CELA3B: variants seen among roughly 807,000 people sequenced by gnomAD.
The protein encoded by CELA3B is chymotrypsin like elastase 3B.
Under a neutral mutation model 37.2 loss-of-function variants are expected in CELA3B, and 34 were observed. The observed-to-expected ratio is 0.91, with a 90% CI of 0.70 to 1.22. CELA3B has a LOEUF of 1.22. Among genes scored for constraint, CELA3B ranks in the 50% most tolerant of loss-of-function variants. The pLI is 0.00. For missense variants in CELA3B, 340 were observed against 363.1 expected, an observed-to-expected ratio of 0.94 and a Z score of 0.52; for synonymous variants, 127 against 143.5, an observed-to-expected ratio of 0.89 and a Z score of 0.82.
At chr1:21,995,214 C>T (rs1179029975) in intron 4 of CELA3B, among the ~76,000 whole-genome samples, 2 of 146,676 alleles carry the variant, frequency 1.4e-5, no homozygotes, top group African/African-American at 5.1e-5. Context: ...CATGACCTCA[C>T]TGCAACCTCT....
intron 2 of CELA3B, among the ~76,000 whole-genome samples, chr1:21,980,308 C>T (rs1037206100): frequency 1.1e-4 from 17 of 150,560 alleles, no homozygotes; most frequent in African/African-American, 3.2e-4. Context: ...GGTGAAACTC[C>T]GTGTCTACTA....
At chr1:21,991,280 C>T (rs2152817640), downstream of CELA3B, among the ~76,000 whole-genome samples, 1 of 139,406 alleles carries the variant, frequency 7.2e-6, no homozygotes, top group Non-Finnish European at 1.5e-5. Context: ...TCAAGCGATT[C>T]TCCTGCCTCA....
chr1:21,988,634 G>C (rs1448517290), intron 7 of CELA3B, among the ~76,000 whole-genome samples: 1 of 142,642 alleles, frequency 7.0e-6, no homozygotes, highest in African/African-American at 2.6e-5. Flanking sequence ...GCTCATGCCT[G>C]TAATCCCACC....
chr1:21,990,938 A>G (rs1330130219), downstream of CELA3B, among the ~76,000 whole-genome samples: 1 of 69,750 alleles, frequency 1.4e-5, no homozygotes, highest in Non-Finnish European at 3.5e-5. Context: ...CTTTCCTCAT[A>G]TTTCTCTTTG....
intron 3 of CELA3B, 43 bp downstream of exon 3, chr1:21,980,964 G>C: frequency 1.2e-6 from 2 of 1,614,126 alleles, no homozygotes; most frequent in Non-Finnish European, 1.7e-6. Flanking sequence ...CCGGGCAGCT[G>C]GGGAGGGTGG....
intron 4 of CELA3B, among the ~76,000 whole-genome samples, chr1:21,997,109 T>C (rs4521970): frequency 0.47 from 70,118 of 148,702 alleles, 18,951 homozygotes; most frequent in African/African-American, 0.68. Context: ...CCTGTAATCC[T>C]GGCATTTTGG....
Position 21,984,316 on chromosome 1 carries a change from C to G in CELA3B, c.627C>G (p.Ile209Met), listed in dbSNP as rs77941170. The change falls in exon 6 of 8, where the codon ATC becomes ATG. Residue 209 changes from isoleucine (I) to methionine (M), a missense_variant. By Grantham distance (10) the Ile-to-Met change is conservative (BLOSUM62 1). Transcript: ENST00000337107. ...KKTMVCAGGDIRSGCNGDSGG... is the reference protein window; with the variant it reads ...KKTMVCAGGDMRSGCNGDSGG... The stretch of plus-strand genomic sequence containing the variant: ...CCATGGTGTGTGCTGGAGGGGACAT[C>G]CGCTCCGGCTGCAATGTGAGTCAGC... The G allele has an allele frequency of 2.7e-3, 4,382 of 1,613,630 alleles. 18 individuals carry two copies. Among genetic ancestry groups the G allele is most frequent in the Non-Finnish European group, 3.1e-3 (3,602 of 1,179,804 alleles).
chr1:21,982,067 C>T (rs1490061390), intron 4 of CELA3B, among the ~76,000 whole-genome samples: 1 of 152,114 alleles, frequency 6.6e-6, no homozygotes, highest in Non-Finnish European at 1.5e-5. Flanking sequence ...ACTTTTTTCT[C>T]AGAGTTTTTT....
chr1:21,984,453 C>G (rs1644826343), intron 6 of CELA3B, 122 bp downstream of exon 6: 4 of 1,361,990 alleles, frequency 2.9e-6, no homozygotes, highest in African/African-American at 1.4e-5. Context: ...CCAGGCCAGG[C>G]AGGACTTGGA....
At chr1:21,978,312 C>G in intron 1 of CELA3B, 57 bp from the exon 2 acceptor site, 2 of 1,599,626 alleles carry the variant, frequency 1.3e-6, no homozygotes, top group Non-Finnish European at 1.7e-6. Flanking sequence ...GGACCCTGGC[C>G]TCCTCTTTGC....
At chr1:21,977,151 T>C (rs1213995128) in intron 1 of CELA3B, 69 bp downstream of exon 1, 64 of 1,603,550 alleles carry the variant, frequency 4.0e-5, no homozygotes, top group East Asian at 1.1e-4. Context: ...ATCTACCACT[T>C]GCTCTAAGTC....
At chr1:21,985,989 GCTT>G (rs1644836613) in intron 6 of CELA3B, among the ~76,000 whole-genome samples, 1 of 74,802 alleles carries the variant, frequency 1.3e-5, no homozygotes, top group African/African-American at 4.4e-5. Context: ...TTTACTGAGT[GCTT>G]CTTCTCTACT....
chr1:21,994,669 C>A lies in CELA3B; in HGVS notation c.505-3482C>A, dbSNP rs190694199. Among the ~76,000 whole-genome samples, 1,232 of 151,034 alleles carry A rather than the reference C, an allele frequency of 8.2e-3. 29 individuals carry two copies. Among genetic ancestry groups the A allele is most frequent in the Non-Finnish European group, 0.013 (855 of 67,834 alleles). On this transcript the variant is annotated intron_variant, in intron 4 of 4. Transcript: ENST00000400277. ...GGTGCATCTCTCTTCAGCTCCCCTG[C>A]CTCTCCACTTAAAGTGAAGTCCTGT...
intron 7 of CELA3B, among the ~76,000 whole-genome samples, chr1:21,988,741 T>G (rs1200731316): frequency 7.3e-5 from 11 of 151,114 alleles, no homozygotes; most frequent in African/African-American, 2.0e-4. Context: ...AATACAAAAA[T>G]TAGCCAGGCA....
intron 6 of CELA3B, among the ~76,000 whole-genome samples, chr1:21,986,174 A>G (rs10917098): frequency 0.89 from 134,021 of 150,232 alleles, 60,212 homozygotes; most frequent in Middle Eastern, 0.96. Flanking sequence ...TTTGAGACTA[A>G]CCTGGCCAAC....
intron 6 of CELA3B, among the ~76,000 whole-genome samples, chr1:21,984,564 G>T (rs578186921): frequency 6.6e-6 from 1 of 151,984 alleles, no homozygotes; most frequent in Non-Finnish European, 1.5e-5. Context: ...ACAAGTCACT[G>T]TGTCTCCCTG....
In CELA3B at chr1:21,984,220, G is replaced by T; in HGVS notation, c.531G>T (p.Glu177Asp). ...GGCCACTCCCAGACAAGCTGCAGGA[G>T]GCCCTGCTGCCGGTGGTGGACTATG... ...TNGPLPDKLQ[E>D]ALLPVVDYEH... The change falls in exon 6 of 8, where the codon GAG (glutamate) becomes GAT (aspartate). Residue 177 changes from glutamate (E) to aspartate (D), a missense_variant. Transcript: ENST00000337107. The T allele has an allele frequency of 1.9e-6, 3 of 1,614,114 alleles. No homozygotes were observed.
rs146155248 is a variant in CELA3B, at chr1:21,995,925, G to A, written c.505-2226G>A. Among the ~76,000 whole-genome samples the A allele has an allele frequency of 2.0e-3, 305 of 149,154 alleles. 8 individuals are homozygous for A. Among genetic ancestry groups the A allele is most frequent in the African/African-American group, 7.3e-3 (290 of 39,624 alleles). ...CCCAGTTTCCACTTTATATAAGCACGCCAGTCAGGCTGGGCGCAGTGGCTC... is the reference window on the plus strand; with the variant it reads ...CCCAGTTTCCACTTTATATAAGCACACCAGTCAGGCTGGGCGCAGTGGCTC... On this transcript the variant is annotated intron_variant, in intron 4 of 4. Coordinates refer to the CELA3B transcript ENST00000400277.
intron 4 of CELA3B, among the ~76,000 whole-genome samples, chr1:21,982,000 C>T (rs10799721): frequency 0.82 from 124,587 of 152,018 alleles, 53,483 homozygotes; most frequent in Non-Finnish European, 0.96. Flanking sequence ...GCTAGGATTA[C>T]AGGCATGAGC....
Sources: allele counts gnomAD v4.1 joint callset (sites outside exome capture counted in the v4.1 genomes callset), GRCh38; gene constraint gnomAD v4.1.1; transcripts MANE v1.5; gene names NCBI Gene and HGNC (gene_info 2026-07-23, HGNC 2026-07-21).